The following STAU2 variants were observed in gnomAD, a reference collection of about 807,000 sequenced individuals.
The protein encoded by STAU2 is double-stranded RNA-binding protein Staufen homolog 2.
A neutral mutation model predicts 65.9 loss-of-function variants in STAU2; 20 were observed. The observed-to-expected ratio is 0.30, with a 90% CI of 0.21 to 0.44. STAU2 has a LOEUF of 0.44. Ranked by LOEUF, STAU2 falls within the 20% of genes least tolerant of loss-of-function variation. The pLI is 1.00. For synonymous variants in STAU2, 232 were observed against 233.9 expected, an observed-to-expected ratio of 0.99 and a Z score of 0.07; for missense variants, 558 against 683.9, an observed-to-expected ratio of 0.82 and a Z score of 2.05.
At chr8:73,573,342 G>C (rs368971712) in intron 12 of STAU2, among the ~76,000 whole-genome samples, 1 of 152,202 alleles carries the variant, frequency 6.6e-6, no homozygotes, top group Non-Finnish European at 1.5e-5. Context: ...GTAATTTATA[G>C]ATTCAATGCC....
intron 5 of STAU2, among the ~76,000 whole-genome samples, chr8:73,686,952 G>A (rs1395966064): frequency 4.0e-5 from 6 of 148,646 alleles, no homozygotes; most frequent in Non-Finnish European, 7.4e-5. Flanking sequence ...GAGTGTAGTG[G>A]CGTGATCTCG....
At chr8:73,608,802 C>T (rs1409773494) in intron 9 of STAU2, among the ~76,000 whole-genome samples, 2 of 151,852 alleles carry the variant, frequency 1.3e-5, no homozygotes, top group African/African-American at 2.4e-5. Flanking sequence ...CCAGCCTGGC[C>T]GACATGGTGA....
chr8:73,657,359 G>A (rs568534966), intron 6 of STAU2, among the ~76,000 whole-genome samples: 1 of 151,950 alleles, frequency 6.6e-6, no homozygotes, highest in East Asian at 1.9e-4. Context: ...AAAAGCAAAG[G>A]GCCCTTCTAC....
chr8:73,484,170 C>T (rs957076892), intron 13 of STAU2, among the ~76,000 whole-genome samples: 10 of 152,012 alleles, frequency 6.6e-5, no homozygotes, highest in Non-Finnish European at 1.3e-4. Context: ...TTGGATATTG[C>T]TAATAAATGA....
chr8:73,516,506 T>A (rs1022696008), intron 13 of STAU2, among the ~76,000 whole-genome samples: 3 of 152,100 alleles, frequency 2.0e-5, no homozygotes, highest in African/African-American at 7.2e-5. Flanking sequence ...TTTAAAAAAA[T>A]ATGTAATCTA....
Position 73,448,611 on chromosome 8 carries a change from C to T in STAU2, c.1531-25909G>A, listed in dbSNP as rs114393805. ...AGACACAAGTCTTAAAAGGACTGAG[C>T]GACACTGATGTGTTCCTGAGCTCAC... On this transcript the variant is annotated intron_variant, in intron 13 of 14. Coordinates refer to ENST00000524300, the MANE Select transcript of STAU2 (RefSeq NM_001164380.2). Among the ~76,000 whole-genome samples the T allele has an allele frequency of 1.6e-3, 245 of 152,252 alleles. 1 individual carries two copies. The highest frequency in any genetic ancestry group is 4.8e-3 in the African/African-American group (199 of 41,548).
intron 3 of STAU2, among the ~76,000 whole-genome samples, chr8:73,729,548 G>T (rs112855925): frequency 1.3e-5 from 2 of 152,058 alleles, no homozygotes; most frequent in African/African-American, 4.8e-5. Context: ...GAATCCACCA[G>T]AGAAGCAATA....
chr8:73,488,180 T>C (rs529874714), intron 13 of STAU2, among the ~76,000 whole-genome samples: 2 of 152,226 alleles, frequency 1.3e-5, no homozygotes, highest in African/African-American at 4.8e-5. Context: ...AGGAATTTTT[T>C]AATTACCTTA....
At chr8:73,599,168 G>C (rs1487737986) in intron 10 of STAU2, among the ~76,000 whole-genome samples, 1 of 152,288 alleles carries the variant, frequency 6.6e-6, no homozygotes, top group East Asian at 1.9e-4. Flanking sequence ...AATGTGAAGT[G>C]CTAAGAACAG....
At chr8:73,685,473 T>C (rs1375817615) in intron 5 of STAU2, among the ~76,000 whole-genome samples, 4 of 149,956 alleles carry the variant, frequency 2.7e-5, no homozygotes, top group African/African-American at 9.8e-5. Flanking sequence ...GCCTCCCGGG[T>C]TCACACCATT....
chr8:73,485,394 A>C (rs1200268864), intron 13 of STAU2, among the ~76,000 whole-genome samples: 3 of 151,996 alleles, frequency 2.0e-5, no homozygotes, highest in Non-Finnish European at 4.4e-5. Flanking sequence ...GTGAATGTAA[A>C]AGTTGGTGCT....
intron 6 of STAU2, among the ~76,000 whole-genome samples, chr8:73,624,929 C>T (rs1252297644): frequency 6.6e-6 from 1 of 152,188 alleles, no homozygotes; most frequent in Non-Finnish European, 1.5e-5. Context: ...GTCCTATTTC[C>T]TCTCTGCTCA....
chr8:73,614,921 T>G (rs767392048), intron 8 of STAU2, among the ~76,000 whole-genome samples: 4 of 152,158 alleles, frequency 2.6e-5, no homozygotes, highest in African/African-American at 4.8e-5. Context: ...ATAATGCAAC[T>G]TGTAAGAATG....
chr8:73,679,010 T>C (rs1818206772), intron 5 of STAU2, among the ~76,000 whole-genome samples: 1 of 152,200 alleles, frequency 6.6e-6, no homozygotes, highest in African/African-American at 2.4e-5. Flanking sequence ...TTTAGAGTTA[T>C]TGTTGACAGG....
At chr8:73,667,105 A>G (rs907851748) in intron 6 of STAU2, among the ~76,000 whole-genome samples, 12 of 152,146 alleles carry the variant, frequency 7.9e-5, no homozygotes, top group Non-Finnish European at 1.8e-4. Flanking sequence ...GTTATCCTTA[A>G]TACCCCAAAT....
At chr8:73,695,489 G>A (rs549535060) in intron 4 of STAU2, among the ~76,000 whole-genome samples, 6 of 152,262 alleles carry the variant, frequency 3.9e-5, no homozygotes, top group Non-Finnish European at 5.9e-5. Context: ...GTGGGCCCTG[G>A]GCTCTGACAT....
At chr8:73,433,307 C>T (rs191358679) in intron 13 of STAU2, among the ~76,000 whole-genome samples, 3,644 of 151,558 alleles carry the variant, frequency 0.024, 64 homozygotes, top group Middle Eastern at 0.037. Context: ...CGGGTTCAAG[C>T]GATTCTCCTG....
chr8:73,724,347 A>G (rs549367899), intron 3 of STAU2, among the ~76,000 whole-genome samples: 1 of 152,188 alleles, frequency 6.6e-6, no homozygotes, highest in East Asian at 1.9e-4. Context: ...TATTTAATCT[A>G]TCTGTATCTA....
chr8:73,565,558 T>C (rs1808541787), intron 12 of STAU2, among the ~76,000 whole-genome samples: 2 of 152,172 alleles, frequency 1.3e-5, no homozygotes, highest in South Asian at 2.1e-4. Flanking sequence ...GAGCCCACCA[T>C]ATTTGTTATT....
Sources: gnomAD v4.1 joint callset for allele counts (sites outside exome capture counted in the v4.1 genomes callset) on GRCh38, gnomAD v4.1.1 for gene constraint, MANE v1.5 for transcripts, NCBI Gene and HGNC (gene_info 2026-07-23, HGNC 2026-07-21) for gene names.